FYN: variants seen among roughly 807,000 people sequenced by gnomAD.
FYN encodes the protein FYN proto-oncogene, Src family tyrosine kinase.
Under a neutral mutation model 70.2 loss-of-function variants are expected in FYN, and 10 were observed. The observed-to-expected ratio is 0.14, with a 90% CI of 0.09 to 0.24. The LOEUF (loss-of-function observed/expected upper bound fraction) is 0.24, where lower values mean the gene tolerates loss of function less well. Ranked by LOEUF, FYN falls within the 10% of genes least tolerant of loss-of-function variation. The probability of loss-of-function intolerance (pLI) is 1.00; values close to 1 mark genes in which losing one functional copy is unlikely to be tolerated. For synonymous variants in FYN, 236 were observed against 248.6 expected (o/e 0.95, Z 0.48); for missense variants, 319 against 673.1 (o/e 0.47, Z 5.82).
At chr6:111,790,895 A>T (rs1189125154) in intron 2 of FYN, among the ~76,000 whole-genome samples, 1 of 152,224 alleles carries the variant, frequency 6.6e-6, no homozygotes, top group African/African-American at 2.4e-5. Context: ...ACAAAACGTT[A>T]TTGAGAGAAA....
At position 111,867,458 on chromosome 6, in the gene FYN, G is replaced by GAAA. The variant is rs373634134; in HGVS notation, c.-123+5507_-123+5509dup. Among the ~76,000 whole-genome samples, 606 of 69,764 alleles carry GAAA rather than the reference G, an allele frequency of 8.7e-3. 12 individuals are homozygous for GAAA. Among genetic ancestry groups the GAAA allele is most frequent in the African/African-American group, 0.025 (445 of 17,906 alleles). The allele number at this position is 69,764 out of a possible 152,430, so 45.8% of individuals were successfully genotyped here. A position where few individuals can be genotyped will look rare whatever the true frequency, so the allele number is the denominator to read the frequency against. ...CAACAAGAGCGAAACTCCGTCTCGGGAAAAAAAAAAAAAAAAAAAAAAAAG... is the reference window on the plus strand; with the variant it reads ...CAACAAGAGCGAAACTCCGTCTCGGGAAAAAAAAAAAAAAAAAAAAAAAAAAAG... On this transcript the variant is annotated intron_variant, in intron 1 of 13. Transcript: ENST00000354650.
At chr6:111,667,685 C>T (rs1290162706) in intron 13 of FYN, among the ~76,000 whole-genome samples, 1 of 152,226 alleles carries the variant, frequency 6.6e-6, no homozygotes, top group Admixed American at 6.5e-5. Flanking sequence ...CTTGGCTTCT[C>T]CATTTGTTAA....
chr6:111,790,068 T>A (rs1404285066), intron 2 of FYN, among the ~76,000 whole-genome samples: 4 of 151,012 alleles, frequency 2.6e-5, no homozygotes, highest in Non-Finnish European at 5.9e-5. Flanking sequence ...TGATAGTTTT[T>A]AAGCTATTCT....
In FYN at chr6:111,773,819, A is replaced by G. The variant is rs937552304; in HGVS notation, c.-12+6747T>C. On this transcript the variant is annotated intron_variant, in intron 3 of 13. Transcript: ENST00000354650. ...CATTCAATATGGTTTTATTTTTACC[A>G]ATTTAATAAATTTCATTGTGTGCTC... is the stretch of plus-strand genomic sequence containing the variant. Among the ~76,000 whole-genome samples, 7 of 152,168 alleles carry G rather than the reference A, an allele frequency of 4.6e-5. 1 individual carries two copies. In the South Asian group the frequency reaches 1.4e-3, roughly 31 times the overall value.
At chr6:111,855,225 TA>T (rs1175951557) in intron 1 of FYN, among the ~76,000 whole-genome samples, 1 of 152,188 alleles carries the variant, frequency 6.6e-6, no homozygotes, top group African/African-American at 2.4e-5. Context: ...GGGATCAAAA[TA>T]AAGCTTGTGG....
intron 3 of FYN, among the ~76,000 whole-genome samples, chr6:111,722,741 G>A (rs1166367400): frequency 6.6e-6 from 1 of 152,202 alleles, no homozygotes; most frequent in African/African-American, 2.4e-5. Flanking sequence ...ACTGGGTAGA[G>A]GCCAAGAATG....
chr6:111,719,697 A>T, intron 4 of FYN, 108 bp downstream of exon 4: 1 of 1,266,162 alleles, frequency 7.9e-7, no homozygotes, highest in Non-Finnish European at 1.1e-6. Context: ...AGAAACTTAC[A>T]TGTGAAACCC....
chr6:111,871,135 A>G lies in FYN; in HGVS notation c.-123+1833T>C, dbSNP rs560210306. On this transcript the variant is annotated intron_variant, in intron 1 of 13. Coordinates refer to ENST00000354650, the MANE Select transcript of FYN (RefSeq NM_002037.5). ...AACAGGTTCAACTTAAGTTTTGACAATATCGATTAAGCATGTAATAGTCAC... is the reference window on the plus strand; with the variant it reads ...AACAGGTTCAACTTAAGTTTTGACAGTATCGATTAAGCATGTAATAGTCAC... 2.9e-4 allele frequency among the ~76,000 whole-genome samples: 44 copies of G among 152,342 alleles called. 1 individual carries two copies. The highest frequency in any genetic ancestry group is 1.0e-3 in the African/African-American group (43 of 41,560).
chr6:111,749,962 A>C (rs1037075156), intron 3 of FYN, among the ~76,000 whole-genome samples: 1 of 152,050 alleles, frequency 6.6e-6, no homozygotes, highest in African/African-American at 2.4e-5. Context: ...CATAATTTGC[A>C]TCCCCACATC....
At chr6:111,717,367 A>G (rs1371691423) in intron 4 of FYN, among the ~76,000 whole-genome samples, 1 of 152,060 alleles carries the variant, frequency 6.6e-6, no homozygotes, top group Non-Finnish European at 1.5e-5. Context: ...AGCAGTTGAT[A>G]ACTAATAGTA....
chr6:111,774,344 T>C (rs1803621130), intron 3 of FYN, among the ~76,000 whole-genome samples: 1 of 152,178 alleles, frequency 6.6e-6, no homozygotes, highest in South Asian at 2.1e-4. Flanking sequence ...AGGATCTGGA[T>C]TCAGATAGTG....
chr6:111,661,615 G>T lies in FYN; in HGVS notation c.*124C>A. 1.1e-6 allele frequency: 1 copy of T among 873,480 alleles called. No homozygotes were observed. Among genetic ancestry groups the T allele is most frequent in the Non-Finnish European group, 1.8e-6 (1 of 556,772 alleles). 54.1% of individuals were successfully genotyped at this position (873,480 alleles called of 1,614,324 possible). A position where few individuals can be genotyped will look rare whatever the true frequency, so the allele number is the denominator to read the frequency against. ...GGGCCATGGAAGTTCGTCAGCTTCA[G>T]AGTCACATGCAATCTGATCCTGGGC... On this transcript the variant is annotated 3_prime_UTR_variant, in exon 14 of 14. Coordinates refer to ENST00000354650, the MANE Select transcript of FYN (RefSeq NM_002037.5). The surrounding 1 kb of genome is among the most constrained non-coding windows in gnomAD (Gnocchi z 4.0).
chr6:111,680,717 G>A (rs944611851), intron 12 of FYN, among the ~76,000 whole-genome samples: 15 of 152,138 alleles, frequency 9.9e-5, no homozygotes, highest in African/African-American at 2.7e-4. Flanking sequence ...TTTACTTAAC[G>A]AGTGGCTCTG....
At chr6:111,758,652 C>T (rs1802856650) in intron 3 of FYN, among the ~76,000 whole-genome samples, 1 of 152,230 alleles carries the variant, frequency 6.6e-6, no homozygotes, top group South Asian at 2.1e-4. Context: ...TGGGCATTTG[C>T]CCTGGGGCAT....
intron 1 of FYN, among the ~76,000 whole-genome samples, chr6:111,870,996 G>C (rs905385739): frequency 6.6e-6 from 1 of 152,118 alleles, no homozygotes; most frequent in Non-Finnish European, 1.5e-5. Context: ...TTCTTAAAAA[G>C]TGTGTAAGTA....
chr6:111,701,557 A>AT (rs1196292520), intron 8 of FYN, among the ~76,000 whole-genome samples: 3 of 151,910 alleles, frequency 2.0e-5, no homozygotes, highest in Admixed American at 6.6e-5. Flanking sequence ...CGTGAGATGG[A>AT]TTTTTTTTCC....
intron 3 of FYN, among the ~76,000 whole-genome samples, chr6:111,730,278 T>C (rs1356819408): frequency 6.6e-6 from 1 of 152,198 alleles, no homozygotes; most frequent in Non-Finnish European, 1.5e-5. Context: ...CAGAGGATCC[T>C]GTAGGGGACA....
chr6:111,725,121 T>C (rs10484480), intron 3 of FYN, among the ~76,000 whole-genome samples: 17,601 of 152,134 alleles, frequency 0.12, 1,964 homozygotes, highest in African/African-American at 0.28. Flanking sequence ...GGATAGAAGA[T>C]TCATGGCAGA....
intron 3 of FYN, among the ~76,000 whole-genome samples, chr6:111,768,042 T>C (rs1389317906): frequency 6.6e-6 from 1 of 152,208 alleles, no homozygotes; most frequent in African/African-American, 2.4e-5. Flanking sequence ...CTATAAAATT[T>C]TCACAACACA....
Sources: gnomAD v4.1 joint callset for allele counts (sites outside exome capture counted in the v4.1 genomes callset) on GRCh38, gnomAD v4.1.1 for gene constraint, Gnocchi (gnomAD v3.1) non-coding constraint, MANE v1.5 for transcripts, NCBI Gene and HGNC (gene_info 2026-07-23, HGNC 2026-07-21) for gene names.